The following ACOX3 variants were observed in gnomAD, a reference collection of about 807,000 sequenced individuals.
ACOX3 encodes the protein acyl-CoA oxidase 3, pristanoyl, also known as peroxisomal acyl-coenzyme A oxidase 3.
A neutral mutation model predicts 81.5 loss-of-function variants in ACOX3; 73 were observed. That is an observed-to-expected ratio of 0.90 (90% CI 0.74 to 1.09). The LOEUF is 1.09. Among genes scored for constraint, ACOX3 ranks in the 50% least tolerant of loss-of-function variants. The pLI is 0.00. For missense variants in ACOX3, 947 were observed against 928.0 expected (o/e 1.02, Z -0.27); for synonymous variants, 387 against 375.1 (o/e 1.03, Z -0.37).
In ACOX3 at chr4:8,389,121, G is replaced by T; in HGVS notation, c.1537+52C>A. On this transcript the variant is annotated intron_variant, in intron 13 of 17. Transcript: ENST00000356406. This position sits in a 1 kb window ranked among gnomAD's most constrained non-coding sequence, Gnocchi z 5.3. The stretch of plus-strand genomic sequence containing the variant: ...ACCGAGGCACGGTGCGTTTCCTGGT[G>T]GGAATGACAGGAAATCAGGAGGCCA... 6.7e-7 allele frequency: 1 copy of T among 1,487,866 alleles called. No homozygotes were observed. Among genetic ancestry groups the T allele is most frequent in the Non-Finnish European group, 9.3e-7 (1 of 1,070,436 alleles). The allele number at this position is 1,487,866 out of a possible 1,614,324, so 92.2% of individuals were successfully genotyped here.
Position 8,389,982 on chromosome 4 carries a change from A to G in ACOX3, c.1301-248T>C, listed in dbSNP as rs1324377120. On this transcript the variant is annotated intron_variant, in intron 11 of 17. Transcript: ENST00000356406. This position sits in a 1 kb window ranked among gnomAD's most constrained non-coding sequence, Gnocchi z 5.3. ...GCCAGGTGTGGTGGTGTGTGCCTGT[A>G]ATCTCAGCTACTCGGGAGGCTGAGG... is the stretch of plus-strand genomic sequence containing the variant. 6.6e-6 allele frequency among the ~76,000 whole-genome samples: 1 copy of G among 151,926 alleles called. No individual in the cohort carries two copies. Among genetic ancestry groups the G allele is most frequent in the Non-Finnish European group, 1.5e-5 (1 of 68,002 alleles).
Position 8,406,346 on chromosome 4 carries a change from GGT to G in ACOX3, c.688-305_688-304del, listed in dbSNP as rs966606113. ...TCCTATGAGAATCAGAAGAGGAGTG[GGT>G]GTGGGGAAGAGGGGGCCATGTGGAG... On this transcript the variant is annotated intron_variant, in intron 6 of 17. Coordinates refer to ENST00000356406, the MANE Select transcript of ACOX3 (RefSeq NM_003501.3). The surrounding 1 kb of genome is among the most constrained non-coding windows in gnomAD (Gnocchi z 5.6). 2.0e-5 allele frequency among the ~76,000 whole-genome samples: 3 copies of G among 152,214 alleles called. No individual in the cohort carries two copies. The highest frequency in any genetic ancestry group is 7.2e-5 in the African/African-American group (3 of 41,446).
chr4:8,362,517 C>T (rs1451489013), downstream of ACOX3, among the ~76,000 whole-genome samples: 1 of 152,200 alleles, frequency 6.6e-6, no homozygotes, highest in East Asian at 1.9e-4. Context: ...CATCTGATTT[C>T]TTTTGTAACA....
rs1207246651 is a variant in ACOX3, at chr4:8,386,439, T to G, written c.1537+2734A>C. On this transcript the variant is annotated intron_variant, in intron 13 of 17. Transcript: ENST00000356406. The surrounding 1 kb of genome is among the most constrained non-coding windows in gnomAD (Gnocchi z 5.2). ...AAATTAGCCGGGTGTGGTTGTGGGC[T>G]CCTGTAGTCCCAGCTACTCCGGAGG... 3.3e-5 allele frequency among the ~76,000 whole-genome samples: 5 copies of G among 151,608 alleles called. No homozygotes were observed. The highest frequency in any genetic ancestry group is 7.4e-5 in the Non-Finnish European group (5 of 67,916).
rs192189564 is a variant in ACOX3 at position 8,435,648 on chromosome 4, T to G, written c.-15+5000A>C. On this transcript the variant is annotated intron_variant, in intron 1 of 17. Transcript: ENST00000356406. ...CCTAGATCAATTCCTTTATATTGAT[T>G]CATGGTTAAATATAATATAGACAAA... 1.2e-3 allele frequency among the ~76,000 whole-genome samples: 177 copies of G among 152,324 alleles called. 2 individuals are homozygous for G. Among genetic ancestry groups the G allele is most frequent in the African/African-American group, 4.1e-3 (169 of 41,564 alleles).
At chr4:8,372,319 C>T (rs894464874) in intron 16 of ACOX3, among the ~76,000 whole-genome samples, 4 of 152,140 alleles carry the variant, frequency 2.6e-5, no homozygotes, top group African/African-American at 7.2e-5. Flanking sequence ...AGGCTGGTCT[C>T]GAACTCCTGG....
In ACOX3 at chr4:8,389,870, C is replaced by T. The variant is rs1718757555; in HGVS notation, c.1301-136G>A. 7.7e-6 allele frequency: 9 copies of T among 1,172,944 alleles called. No homozygotes were observed. Among genetic ancestry groups the T allele is most frequent in the African/African-American group, 4.6e-5 (3 of 65,018 alleles). The allele number at this position is 1,172,944 out of a possible 1,614,324, so 72.7% of individuals were successfully genotyped here. A position where few individuals can be genotyped will look rare whatever the true frequency, so the allele number is the denominator to read the frequency against. On this transcript the variant is annotated intron_variant, in intron 11 of 17. Coordinates refer to ENST00000356406, the MANE Select transcript of ACOX3 (RefSeq NM_003501.3). The surrounding 1 kb of genome is among the most constrained non-coding windows in gnomAD (Gnocchi z 5.3). ...CTGTAATGGCAGCACTTTGGGGGGC[C>T]GAGGCGGGTGGATCACTTGAAGCCA...
the ACOX3 span, among the ~76,000 whole-genome samples, chr4:8,360,862 T>C: frequency 1.3e-5 from 2 of 152,208 alleles, no homozygotes; most frequent in Non-Finnish European, 2.9e-5. Flanking sequence ...CCCCTAGCTA[T>C]GCTGGAGTCA....
chr4:8,396,038 C>T lies in ACOX3; in HGVS notation c.1056+899G>A, dbSNP rs374329888. ...AAGACCAAACCCAGAGCACAGGGCACGTTCGCTGTGACAGTTCATCCCCCT... is the reference window on the plus strand; with the variant it reads ...AAGACCAAACCCAGAGCACAGGGCATGTTCGCTGTGACAGTTCATCCCCCT... On this transcript the variant is annotated intron_variant, in intron 9 of 17. Transcript: ENST00000356406. 7.0e-4 allele frequency among the ~76,000 whole-genome samples: 107 copies of T among 152,342 alleles called. 1 individual carries two copies. The Middle Eastern group carries it at 0.037, about 53-fold the overall frequency.
Position 8,399,985 on chromosome 4 carries a change from G to A in ACOX3, c.777-333C>T, listed in dbSNP as rs1289577761. ...AAATAGGCTGGGTGTGGTGGCTTAC[G>A]CCTGTAATCCCAGCACTTTGGGAGG... On this transcript the variant is annotated intron_variant, in intron 7 of 17. Transcript: ENST00000356406. The surrounding 1 kb of genome is among the most constrained non-coding windows in gnomAD (Gnocchi z 4.9). 1.3e-5 allele frequency among the ~76,000 whole-genome samples: 2 copies of A among 152,110 alleles called. No homozygotes were observed. The highest frequency in any genetic ancestry group is 4.8e-5 in the African/African-American group (2 of 41,408).
At chr4:8,355,469 C>T in the ACOX3 span, 1 of 152,238 alleles carries the variant, frequency 6.6e-6, no homozygotes. Flanking sequence ...ATACAGGTGG[C>T]ATTTCGGTCA....
intron 1 of ACOX3, among the ~76,000 whole-genome samples, chr4:8,434,214 C>A (rs1724099738): frequency 6.6e-6 from 1 of 152,232 alleles, no homozygotes; most frequent in Non-Finnish European, 1.5e-5. Context: ...TATCACGACC[C>A]TTTCACATGG....
At position 8,430,151 on chromosome 4, in the gene ACOX3, A is replaced by G. The variant is rs1723874131; in HGVS notation, c.-15+10497T>C. ...ACCTTCTCCTTGATTCCATGGCAAC[A>G]TTTTTCTTCACAGTTATTACTGTTA... is the stretch of plus-strand genomic sequence containing the variant. On this transcript the variant is annotated intron_variant, in intron 1 of 17. Transcript: ENST00000356406. This position sits in a 1 kb window ranked among gnomAD's most constrained non-coding sequence, Gnocchi z 5.2. 6.6e-6 allele frequency among the ~76,000 whole-genome samples: 1 copy of G among 152,268 alleles called. No homozygotes were observed. The highest frequency in any genetic ancestry group is 2.4e-5 in the African/African-American group (1 of 41,540).
chr4:8,373,972 G>C (rs1716598490), intron 15 of ACOX3: 1 of 358,144 alleles, frequency 2.8e-6, no homozygotes, highest in African/African-American at 2.1e-5. Flanking sequence ...AGTGAGGAAG[G>C]GGCTCCTGGG....
rs1464502727 is a variant in ACOX3 at position 8,392,453 on chromosome 4, C to T, written c.1180G>A (p.Ala394Thr). 1.3e-6 allele frequency: 2 copies of T among 1,570,878 alleles called. No individual in the cohort carries two copies. The highest frequency in any genetic ancestry group is 1.7e-6 in the Non-Finnish European group (2 of 1,161,870). Residue 394 changes from alanine to threonine, a missense_variant and splice_region_variant, in exon 11 of 18, where the codon GCA becomes ACA. Physicochemically the swap from Ala to Thr is moderately conservative, Grantham distance 58 (BLOSUM62 0). Transcript: ENST00000356406. ...LASGDRSARQ[A>T]ELGREIHALA... ...GCGTGGATCTCACGTCCAAGCTCTG[C>T]CTTTGGGTGAGGGAATCCAACAAGA...
intron 1 of ACOX3, among the ~76,000 whole-genome samples, chr4:8,433,503 C>T (rs1724065675): frequency 6.6e-6 from 1 of 152,160 alleles, no homozygotes; most frequent in Non-Finnish European, 1.5e-5. Context: ...TTTTAAGCCA[C>T]CAAACTTACG....
chr4:8,425,479 G>A (rs908636490), intron 1 of ACOX3, among the ~76,000 whole-genome samples: 2 of 151,602 alleles, frequency 1.3e-5, no homozygotes, highest in Non-Finnish European at 2.9e-5. Context: ...CTTAGGCATT[G>A]ATAGCACCTA....
In ACOX3 at chr4:8,414,672, C is replaced by T. The variant is rs950300316; in HGVS notation, c.453+182G>A. On this transcript the variant is annotated intron_variant, in intron 4 of 17. Coordinates refer to ENST00000356406, the MANE Select transcript of ACOX3 (RefSeq NM_003501.3). This position sits in a 1 kb window ranked among gnomAD's most constrained non-coding sequence, Gnocchi z 6.1. ...GACAATTCACCTGGTGCTAGGAAGTCAATGTGCCTGTGTTTGCTAAAGAAC... is the reference window on the plus strand; with the variant it reads ...GACAATTCACCTGGTGCTAGGAAGTTAATGTGCCTGTGTTTGCTAAAGAAC... Among the ~76,000 whole-genome samples, 2 of 152,180 alleles carry T rather than the reference C, an allele frequency of 1.3e-5. No homozygotes were observed. The highest frequency in any genetic ancestry group is 2.9e-5 in the Non-Finnish European group (2 of 68,032).
chr4:8,424,263 T>A (rs190445095), intron 1 of ACOX3, among the ~76,000 whole-genome samples: 61 of 152,344 alleles, frequency 4.0e-4, no homozygotes, highest in African/African-American at 1.4e-3. Flanking sequence ...AGAAAGTGAA[T>A]ACCCATTTAG....
Sources: gnomAD v4.1 joint callset for allele counts (sites outside exome capture counted in the v4.1 genomes callset) on GRCh38, gnomAD v4.1.1 for gene constraint, Gnocchi (gnomAD v3.1) non-coding constraint, MANE v1.5 for transcripts, NCBI Gene and HGNC (gene_info 2026-07-23, HGNC 2026-07-21) for gene names.